The following PALLD variants were observed in gnomAD, a reference collection of about 807,000 sequenced individuals.
PALLD encodes palladin, cytoskeletal associated protein.
A neutral mutation model predicts 123.5 loss-of-function variants in PALLD; 61 were observed. The ratio of observed to expected loss-of-function variants is 0.49; its 90% CI spans 0.40 to 0.61. The LOEUF (loss-of-function observed/expected upper bound fraction) is 0.61. PALLD is among the 20% of genes least tolerant of loss of function. The pLI is 0.00. For synonymous variants in PALLD, 465 were observed against 496.4 expected (o/e 0.94, Z 0.84); for missense variants, 1,273 against 1,377.0 (o/e 0.92, Z 1.20).
chr4:168,563,231 G>A (rs527677742), intron 2 of PALLD, among the ~76,000 whole-genome samples: 15 of 152,242 alleles, frequency 9.9e-5, no homozygotes, highest in Non-Finnish European at 2.2e-4. Flanking sequence ...TACCTATTAG[G>A]CATCTGACTA....
At position 168,855,231 on chromosome 4, in the gene PALLD, C is replaced by T. The variant is rs371812150; in HGVS notation, c.1965-35691C>T. ...TCAGCCTCCAAAGTAGCTGGGATTA[C>T]AGGCACATGCCATCACGCCCAGCTA... On this transcript the variant is annotated intron_variant, in intron 10 of 21. Coordinates refer to ENST00000505667, the MANE Select transcript of PALLD (RefSeq NM_001166108.2). Among the ~76,000 whole-genome samples, 94 of 151,860 alleles carry T rather than the reference C, an allele frequency of 6.2e-4. 4 individuals are homozygous for T. The South Asian group carries it at 0.019, about 31-fold the overall frequency.
chr4:168,772,154 A>G (rs1207587901), intron 10 of PALLD, among the ~76,000 whole-genome samples: 1 of 152,152 alleles, frequency 6.6e-6, no homozygotes, highest in Non-Finnish European at 1.5e-5. Context: ...TTTTACAGGT[A>G]AGGAAACAGA....
At chr4:168,604,918 C>T (rs184463663) in intron 2 of PALLD, among the ~76,000 whole-genome samples, 4 of 152,322 alleles carry the variant, frequency 2.6e-5, no homozygotes, top group African/African-American at 9.6e-5. Flanking sequence ...TATACTATTA[C>T]ATTGGTCAAA....
At chr4:168,550,095 A>T (rs1004302909) in intron 2 of PALLD, among the ~76,000 whole-genome samples, 1 of 152,190 alleles carries the variant, frequency 6.6e-6, no homozygotes, top group Non-Finnish European at 1.5e-5. Context: ...TGCCAGGTTC[A>T]TCTCTCTCAA....
chr4:168,522,505 T>A (rs28439066), intron 2 of PALLD, among the ~76,000 whole-genome samples: 3,496 of 152,274 alleles, frequency 0.023, 142 homozygotes, highest in African/African-American at 0.08. Flanking sequence ...TTCTGCAGAG[T>A]CTATTTTAAG....
intron 2 of PALLD, among the ~76,000 whole-genome samples, chr4:168,581,690 T>C (rs910020136): frequency 6.6e-6 from 1 of 152,128 alleles, no homozygotes; most frequent in Non-Finnish European, 1.5e-5. Context: ...GGTTTGCTAA[T>C]ATTTTATCCC....
intron 10 of PALLD, among the ~76,000 whole-genome samples, chr4:168,817,071 T>C (rs949469538): frequency 2.0e-5 from 3 of 152,150 alleles, no homozygotes; most frequent in African/African-American, 7.2e-5. Context: ...GCAAAGGATT[T>C]TTGTTTTACT....
intron 9 of PALLD, 96 bp downstream of exon 9, chr4:168,709,243 C>G: frequency 7.8e-7 from 1 of 1,283,934 alleles, no homozygotes. Context: ...GGTGCAGTGG[C>G]TCACACCTGT....
chr4:168,590,377 A>G (rs748531660), intron 2 of PALLD, among the ~76,000 whole-genome samples: 42 of 152,170 alleles, frequency 2.8e-4, no homozygotes, highest in Non-Finnish European at 4.0e-4. Context: ...AAAAGTCTCA[A>G]TATCCGCTTA....
intron 2 of PALLD, among the ~76,000 whole-genome samples, chr4:168,521,004 A>C (rs1362528299): frequency 6.6e-6 from 1 of 152,208 alleles, no homozygotes; most frequent in Admixed American, 6.5e-5. Flanking sequence ...TGGATTTAAC[A>C]AGAAAACAAT....
At chr4:168,666,065 TA>T (rs1274465926) in intron 2 of PALLD, among the ~76,000 whole-genome samples, 1 of 152,150 alleles carries the variant, frequency 6.6e-6, no homozygotes, top group Non-Finnish European at 1.5e-5. Context: ...TTCAAACCCT[TA>T]AAAGTATAAA....
rs866644101 is a variant in PALLD, at chr4:168,685,819, A to T, written c.1335+260A>T. On this transcript the variant is annotated intron_variant, in intron 6 of 21. Coordinates refer to ENST00000505667, the MANE Select transcript of PALLD (RefSeq NM_001166108.2). ...AAAGCCAAGACAGATAGAAAAAAAA[A>T]AAAAAAAAAAAAAAAACCTGCTGTG... Among the ~76,000 whole-genome samples the T allele has an allele frequency of 5.8e-3, 869 of 150,166 alleles. 6 individuals are homozygous for T. The highest frequency in any genetic ancestry group is 0.02 in the African/African-American group (835 of 40,876).
intron 10 of PALLD, among the ~76,000 whole-genome samples, chr4:168,812,015 T>G (rs1346143344): frequency 6.6e-6 from 1 of 152,008 alleles, no homozygotes; most frequent in Non-Finnish European, 1.5e-5. Flanking sequence ...GACTTTTGTT[T>G]GACAATATAG....
rs181365588 is a variant in PALLD, at chr4:168,500,182, A to G, written c.-83+2988A>G. On this transcript the variant is annotated intron_variant, in intron 1 of 21. Transcript: ENST00000505667. ...CACTTTTGAAAGCAGGTAACTTCCAAGCTGTTATGTAGGAACAACTTGCAT... is the reference window on the plus strand; with the variant it reads ...CACTTTTGAAAGCAGGTAACTTCCAGGCTGTTATGTAGGAACAACTTGCAT... Among the ~76,000 whole-genome samples, 7 of 152,326 alleles carry G rather than the reference A, an allele frequency of 4.6e-5. No homozygotes were observed. The East Asian group carries it at 1.3e-3, about 29-fold the overall frequency.
chr4:168,550,392 A>G (rs1490388466), intron 2 of PALLD, among the ~76,000 whole-genome samples: 1 of 152,216 alleles, frequency 6.6e-6, no homozygotes, highest in Non-Finnish European at 1.5e-5. Flanking sequence ...CAGGCCTACA[A>G]GTATTTGAGT....
intron 2 of PALLD, among the ~76,000 whole-genome samples, chr4:168,666,988 G>T (rs1266739498): frequency 6.6e-6 from 1 of 152,146 alleles, no homozygotes. Flanking sequence ...GGTTTGCATT[G>T]CATAGAATGC....
In PALLD at chr4:168,764,019, C is replaced by T. The variant is rs370621174; in HGVS notation, c.1964+52096C>T. Among the ~76,000 whole-genome samples, 4 of 152,030 alleles carry T rather than the reference C, an allele frequency of 2.6e-5. No homozygotes were observed. The East Asian group carries it at 7.7e-4, about 29-fold the overall frequency. On this transcript the variant is annotated intron_variant, in intron 10 of 21. Transcript: ENST00000505667. ...TTTATTCACCTATAAATATTTACTG[C>T]AGTAATATTAACCAGCGTCCTTGTG...
chr4:168,578,950 G>T (rs1769940758), intron 2 of PALLD, among the ~76,000 whole-genome samples: 1 of 152,122 alleles, frequency 6.6e-6, no homozygotes, highest in South Asian at 2.1e-4. Context: ...CAGTTTGTGT[G>T]CTCTGTATGT....
At chr4:168,761,404 A>G (rs1031059661) in intron 10 of PALLD, among the ~76,000 whole-genome samples, 1 of 152,080 alleles carries the variant, frequency 6.6e-6, no homozygotes, top group African/African-American at 2.4e-5. Context: ...TATCCACAGG[A>G]TTTACATGAA....
Sources: allele counts gnomAD v4.1 joint callset (sites outside exome capture counted in the v4.1 genomes callset), GRCh38; gene constraint gnomAD v4.1.1; transcripts MANE v1.5; gene names NCBI Gene and HGNC (gene_info 2026-07-23, HGNC 2026-07-21).